The following CPQ variants were observed in gnomAD, a reference collection of about 807,000 sequenced individuals.
The protein encoded by CPQ is carboxypeptidase Q, also known as Ser-Met dipeptidase.
In CPQ, 37 loss-of-function variants were observed where a neutral mutation model predicts 45.7. The ratio of observed to expected loss-of-function variants is 0.81; its 90% CI spans 0.62 to 1.07. CPQ has a LOEUF of 1.07. CPQ is among the 50% of genes least tolerant of loss of function. The pLI is 0.00. For synonymous variants in CPQ, 186 were observed against 205.8 expected, an observed-to-expected ratio of 0.90 and a Z score of 0.82; for missense variants, 537 against 572.9, an observed-to-expected ratio of 0.94 and a Z score of 0.64.
intron 1 of CPQ, among the ~76,000 whole-genome samples, chr8:96,778,051 C>T (rs1286603512): frequency 4.0e-5 from 6 of 150,510 alleles, no homozygotes; most frequent in Non-Finnish European, 8.9e-5. Context: ...TTAAGGTTGC[C>T]CTTGAATACC....
intron 5 of CPQ, among the ~76,000 whole-genome samples, chr8:96,995,668 T>A (rs529622392): frequency 6.6e-4 from 100 of 151,304 alleles, no homozygotes; most frequent in Middle Eastern, 3.4e-3. Context: ...TTTTTTTTTT[T>A]TAAAAAAAAA....
At chr8:96,879,709 G>A (rs777270780) in intron 3 of CPQ, 89 bp from the exon 4 acceptor site, 1 of 840,946 alleles carries the variant, frequency 1.2e-6, no homozygotes, top group South Asian at 1.6e-5. Flanking sequence ...AAGATAAGTG[G>A]AAGTTAAATA....
chr8:97,136,684 A>G (rs544407430), intron 7 of CPQ, among the ~76,000 whole-genome samples: 3 of 152,276 alleles, frequency 2.0e-5, no homozygotes, highest in African/African-American at 7.2e-5. Flanking sequence ...TTAAACTCCA[A>G]ACCTCCCTTG....
At chr8:97,011,453 G>A (rs1809483261) in intron 5 of CPQ, among the ~76,000 whole-genome samples, 1 of 152,204 alleles carries the variant, frequency 6.6e-6, no homozygotes, top group South Asian at 2.1e-4. Flanking sequence ...TCTAAGTTGA[G>A]ATTTTTCACC....
chr8:96,690,199 G>A (rs932727051), intron 1 of CPQ, among the ~76,000 whole-genome samples: 2 of 151,982 alleles, frequency 1.3e-5, no homozygotes, highest in Non-Finnish European at 2.9e-5. Context: ...TTTTTTGGAT[G>A]CCACTTTCCT....
At chr8:97,078,880 C>G (rs193234660) in intron 7 of CPQ, among the ~76,000 whole-genome samples, 7 of 151,640 alleles carry the variant, frequency 4.6e-5, no homozygotes, top group Admixed American at 4.0e-4. Context: ...TCACTGCAAC[C>G]TCAAACTCCT....
At chr8:96,846,143 A>T (rs532120779) in intron 3 of CPQ, among the ~76,000 whole-genome samples, 1 of 152,146 alleles carries the variant, frequency 6.6e-6, no homozygotes, top group Non-Finnish European at 1.5e-5. Context: ...AGGAAGTTGT[A>T]CCATTTTATA....
At chr8:96,888,267 A>G (rs975338526) in intron 4 of CPQ, among the ~76,000 whole-genome samples, 1 of 152,202 alleles carries the variant, frequency 6.6e-6, no homozygotes, top group African/African-American at 2.4e-5. Flanking sequence ...AATGGAAGGA[A>G]GACTAGATGG....
At chr8:96,841,860 A>C (rs144159049) in intron 3 of CPQ, among the ~76,000 whole-genome samples, 5 of 152,300 alleles carry the variant, frequency 3.3e-5, no homozygotes, top group Middle Eastern at 3.4e-3. Context: ...CCATCTGGTG[A>C]GAGAGACATG....
chr8:96,976,258 A>C (rs1214946125), intron 5 of CPQ, among the ~76,000 whole-genome samples: 1 of 150,712 alleles, frequency 6.6e-6, no homozygotes, highest in Non-Finnish European at 1.5e-5. Context: ...AAAAAAAAAA[A>C]AAAAAAAAAA....
intron 1 of CPQ, among the ~76,000 whole-genome samples, chr8:96,646,235 T>G (rs1386575355): frequency 6.6e-6 from 1 of 152,030 alleles, no homozygotes; most frequent in African/African-American, 2.4e-5. Flanking sequence ...AAACGCCCCC[T>G]GGTATTTCCA....
chr8:96,891,624 C>T (rs1812378427), intron 4 of CPQ, among the ~76,000 whole-genome samples: 1 of 152,206 alleles, frequency 6.6e-6, no homozygotes, highest in Non-Finnish European at 1.5e-5. Context: ...CTGCTGAGGT[C>T]ACCCTTTGGT....
At chr8:97,073,584 A>G (rs1003510897) in intron 7 of CPQ, among the ~76,000 whole-genome samples, 2 of 152,198 alleles carry the variant, frequency 1.3e-5, no homozygotes, top group Non-Finnish European at 2.9e-5. Context: ...CCTCGTTTAA[A>G]TAGCCAGGGC....
At chr8:96,759,537 A>G (rs1445591494) in intron 1 of CPQ, among the ~76,000 whole-genome samples, 3 of 152,170 alleles carry the variant, frequency 2.0e-5, no homozygotes, top group African/African-American at 7.2e-5. Context: ...CATTACATCT[A>G]TATTGTAATA....
intron 1 of CPQ, among the ~76,000 whole-genome samples, chr8:96,745,105 C>T (rs190980322): frequency 1.8e-4 from 28 of 152,134 alleles, no homozygotes; most frequent in Admixed American, 1.1e-3. Context: ...GTCAGGAGTT[C>T]GAGACTAGCC....
intron 4 of CPQ, among the ~76,000 whole-genome samples, chr8:96,938,823 A>G (rs1813087378): frequency 6.6e-6 from 1 of 152,138 alleles, no homozygotes; most frequent in Non-Finnish European, 1.5e-5. Context: ...GGGCAAACAG[A>G]AGGTCTCCAG....
chr8:96,942,485 A>G (rs912222804), intron 4 of CPQ, among the ~76,000 whole-genome samples: 1 of 152,122 alleles, frequency 6.6e-6, no homozygotes, highest in African/African-American at 2.4e-5. Context: ...TGCAGGGACC[A>G]AGCAAATGAA....
rs142089075 is a variant in CPQ, at chr8:96,797,494, G to A, written c.433+12164G>A. 2.3e-3 allele frequency among the ~76,000 whole-genome samples: 348 copies of A among 152,226 alleles called. 4 individuals are homozygous for A. Among genetic ancestry groups the A allele is most frequent in the African/African-American group, 8.2e-3 (340 of 41,546 alleles). On this transcript the variant is annotated intron_variant, in intron 2 of 7. Coordinates refer to ENST00000220763, the MANE Select transcript of CPQ (RefSeq NM_016134.4). Reference sequence around the variant, plus strand: ...AGCATTGTGGTCCTCTGTGGTTATAGGATTAGAATGAATTTAATAGGACAA... The same window carrying A: ...AGCATTGTGGTCCTCTGTGGTTATAAGATTAGAATGAATTTAATAGGACAA...
chr8:96,815,894 T>C (rs930004464), intron 2 of CPQ, among the ~76,000 whole-genome samples: 2 of 152,172 alleles, frequency 1.3e-5, no homozygotes, highest in African/African-American at 4.8e-5. Context: ...TAAATACTAT[T>C]AATATATTGC....
Sources: gnomAD v4.1 joint callset for allele counts (sites outside exome capture counted in the v4.1 genomes callset) on GRCh38, gnomAD v4.1.1 for gene constraint, MANE v1.5 for transcripts, NCBI Gene and HGNC (gene_info 2026-07-23, HGNC 2026-07-21) for gene names.